The following PLXNB1 variants were observed in gnomAD, a reference collection of about 807,000 sequenced individuals.
PLXNB1 encodes the protein plexin-B1.
PLXNB1 carries 106 observed loss-of-function variants against 209.4 expected under a neutral mutation model. The observed-to-expected ratio is 0.51, with a 90% CI of 0.43 to 0.59. The LOEUF (loss-of-function observed/expected upper bound fraction) is 0.59. Among genes scored for constraint, PLXNB1 ranks in the 20% least tolerant of loss-of-function variants. The probability of loss-of-function intolerance (pLI) is 0.00; values close to 1 mark genes in which losing one functional copy is unlikely to be tolerated. For missense variants in PLXNB1, 2,357 were observed against 2,853.2 expected, an observed-to-expected ratio of 0.83 and a Z score of 3.96; for synonymous variants, 1,167 against 1,183.2, an observed-to-expected ratio of 0.99 and a Z score of 0.28.
intron 3 of PLXNB1, 41 bp downstream of exon 3, chr3:48,423,464 G>A (rs190580009): frequency 6.3e-7 from 1 of 1,588,054 alleles, no homozygotes; most frequent in East Asian, 2.2e-5. Flanking sequence ...TTGGCCAGTG[G>A]CCTCAGAGAG....
In PLXNB1 at chr3:48,416,506, C is replaced by A; in HGVS notation, c.3375-55G>T. On this transcript the variant is annotated intron_variant, in intron 16 of 37. Transcript: ENST00000296440. This position sits in a 1 kb window ranked among gnomAD's most constrained non-coding sequence, Gnocchi z 4.1. ...CAGGCTGCATCAAGGGCCCCTCAAGCTTACCTGGCAGCCCCTCTCCCTGCC... is the reference window on the plus strand; with the variant it reads ...CAGGCTGCATCAAGGGCCCCTCAAGATTACCTGGCAGCCCCTCTCCCTGCC... 8.0e-7 allele frequency: 1 copy of A among 1,249,154 alleles called. No homozygotes were observed. Among genetic ancestry groups the A allele is most frequent in the Non-Finnish European group, 1.1e-6 (1 of 872,428 alleles). The allele number at this position is 1,249,154 out of a possible 1,614,324, so 77.4% of individuals were successfully genotyped here.
rs2037954066 is a variant in PLXNB1 at position 48,414,710 on chromosome 3, A to G, written c.4209+89T>C. 2.7e-6 allele frequency: 4 copies of G among 1,494,260 alleles called. 1 individual carries two copies. The South Asian group carries it at 5.1e-5, about 19-fold the overall frequency. 92.6% of individuals were successfully genotyped at this position (1,494,260 alleles called of 1,614,324 possible). ...ATGTCCATCCACCGGCCCTTGCTCT[A>G]CTGTCTCGGCCTCTCCGCCACACAC... On this transcript the variant is annotated intron_variant, in intron 21 of 37. Coordinates refer to ENST00000296440, the MANE Select transcript of PLXNB1 (RefSeq NM_001130082.3).
At position 48,406,617 on chromosome 3, in the gene PLXNB1, A is replaced by G. The variant is rs1454588539; in HGVS notation, c.6228+206T>C. On this transcript the variant is annotated intron_variant, in intron 36 of 37. Coordinates refer to ENST00000296440, the MANE Select transcript of PLXNB1 (RefSeq NM_001130082.3). The surrounding 1 kb of genome is among the most constrained non-coding windows in gnomAD (Gnocchi z 4.4). Reference sequence around the variant, plus strand: ...GGTACATGGCAGCTGCCAGGACAAGACCCCTGCTTGCTCTGTGATGAGATG... The same window carrying G: ...GGTACATGGCAGCTGCCAGGACAAGGCCCCTGCTTGCTCTGTGATGAGATG... 25 of 1,400,990 alleles carry G rather than the reference A, an allele frequency of 1.8e-5. No individual in the cohort carries two copies. The East Asian group carries it at 6.3e-4, about 35-fold the overall frequency. 86.8% of individuals were successfully genotyped at this position (1,400,990 alleles called of 1,614,324 possible).
intron 21 of PLXNB1, among the ~76,000 whole-genome samples, 183 bp downstream of exon 21, chr3:48,414,616 G>A (rs751090273): frequency 1.3e-5 from 2 of 152,150 alleles, no homozygotes; most frequent in Non-Finnish European, 1.5e-5. Context: ...AGTCCAGCTC[G>A]TGCCAGATGC....
chr3:48,418,391 G>A lies in PLXNB1; in HGVS notation c.3050-28C>T, dbSNP rs1388950612. Reference sequence around the variant, plus strand: ...GGGGGTGGCAGAGACACACGTGAGAGGCAGGCCTGGGAGAGCCCTGCTACC... The same window carrying A: ...GGGGGTGGCAGAGACACACGTGAGAAGCAGGCCTGGGAGAGCCCTGCTACC... On this transcript the variant is annotated intron_variant, in intron 14 of 37. Coordinates refer to ENST00000296440, the MANE Select transcript of PLXNB1 (RefSeq NM_001130082.3). This position sits in a 1 kb window ranked among gnomAD's most constrained non-coding sequence, Gnocchi z 6.6. 4 of 1,613,332 alleles carry A rather than the reference G, an allele frequency of 2.5e-6. No homozygotes were observed. The Admixed American group carries it at 6.7e-5, about 27-fold the overall frequency.
chr3:48,406,175 C>T lies in PLXNB1; in HGVS notation c.6229-377G>A. The T allele has an allele frequency of 4.2e-6, 1 of 239,052 alleles. No individual in the cohort carries two copies. Among genetic ancestry groups the T allele is most frequent in the Non-Finnish European group, 8.4e-6 (1 of 119,686 alleles). 14.8% of individuals were successfully genotyped at this position (239,052 alleles called of 1,614,324 possible). ...CAGATGCCACTTGCAGGCTGACAGC[C>T]CAGCATGATTCTGCTCTGGCCTAAC... On this transcript the variant is annotated intron_variant, in intron 36 of 37. Transcript: ENST00000296440. This position sits in a 1 kb window ranked among gnomAD's most constrained non-coding sequence, Gnocchi z 4.4.
Position 48,418,045 on chromosome 3 carries a change from C to T in PLXNB1, c.3240G>A (p.Gly1080=), listed in dbSNP as rs2106878619. The change falls in exon 16 of 38, where the codon GGG becomes GGA. Residue 1080 remains glycine, a synonymous_variant. Transcript: ENST00000296440. This position sits in a 1 kb window ranked among gnomAD's most constrained non-coding sequence, Gnocchi z 6.6. The part of the protein sequence containing the change: ...PLIHSVEPLT[G]PVDGGTRVTI... ...TGACACGGGTGCCTCCGTCTACAGGCCCAGTCAGTGGCTCCACCTGTTCCA... is the reference window on the plus strand; with the variant it reads ...TGACACGGGTGCCTCCGTCTACAGGTCCAGTCAGTGGCTCCACCTGTTCCA... The T allele has an allele frequency of 4.3e-6, 7 of 1,613,072 alleles. No individual in the cohort carries two copies. Among genetic ancestry groups the T allele is most frequent in the Non-Finnish European group, 5.9e-6 (7 of 1,179,754 alleles).
chr3:48,416,725 A>C lies in PLXNB1; in HGVS notation c.3375-274T>G. 1 of 310,896 alleles carries C rather than the reference A, an allele frequency of 3.2e-6. No homozygotes were observed. Among genetic ancestry groups the C allele is most frequent in the East Asian group, 6.0e-5 (1 of 16,720 alleles). 19.3% of individuals were successfully genotyped at this position (310,896 alleles called of 1,614,324 possible). On this transcript the variant is annotated intron_variant, in intron 16 of 37. Transcript: ENST00000296440. This position sits in a 1 kb window ranked among gnomAD's most constrained non-coding sequence, Gnocchi z 4.1. ...ATTTATCTGTGGCATAAATTTACAA[A>C]GGGGCCCTGTCAGCCTGGTTGTGGG...
At chr3:48,426,384 T>C (rs1417330684) in intron 1 of PLXNB1, among the ~76,000 whole-genome samples, 2 of 152,218 alleles carry the variant, frequency 1.3e-5, no homozygotes, top group African/African-American at 2.4e-5. Flanking sequence ...GGACAGACAA[T>C]GCATCTCAGA....
At position 48,411,103 on chromosome 3, in the gene PLXNB1, G is replaced by A. The variant is rs2037654068; in HGVS notation, c.5248-67C>T. 1.4e-6 allele frequency: 2 copies of A among 1,425,482 alleles called. No individual in the cohort carries two copies. The highest frequency in any genetic ancestry group is 1.4e-5 in the African/African-American group (1 of 70,326). The allele number at this position is 1,425,482 out of a possible 1,614,324, so 88.3% of individuals were successfully genotyped here. On this transcript the variant is annotated intron_variant, in intron 28 of 37. Transcript: ENST00000296440. This position sits in a 1 kb window ranked among gnomAD's most constrained non-coding sequence, Gnocchi z 4.0. ...CAGGATGACCAAGACACAGGCCAAG[G>A]GCAGAGACAACTCATGAGAAACTGC... is the stretch of plus-strand genomic sequence containing the variant.
Position 48,422,349 on chromosome 3 carries a change from A to G in PLXNB1, c.1401T>C (p.Tyr467=). The G allele has an allele frequency of 6.2e-7, 1 of 1,610,734 alleles. No homozygotes were observed. Among genetic ancestry groups the G allele is most frequent in the Admixed American group, 1.7e-5 (1 of 59,492 alleles). Residue 467 remains tyrosine (Y), a synonymous_variant, in exon 5 of 38, where the codon TAT becomes TAC. Coordinates refer to ENST00000296440, the MANE Select transcript of PLXNB1 (RefSeq NM_001130082.3). ...CACTCACTGTGCTCTGGGTCATGACATACAGGTGCTCAAAGGTCCCATCAA... is the reference window on the plus strand; with the variant it reads ...CACTCACTGTGCTCTGGGTCATGACGTACAGGTGCTCAAAGGTCCCATCAA... ...LTFDGTFEHL[Y]VMTQSTLLKV... is the part of the protein sequence containing the mutation.
In PLXNB1 at chr3:48,419,628, G is replaced by A; in HGVS notation, c.2658C>T (p.Ile886=). The change falls in exon 11 of 38, where the codon ATC becomes ATT. Residue 886 remains isoleucine, a synonymous_variant. Transcript: ENST00000296440. This position sits in a 1 kb window ranked among gnomAD's most constrained non-coding sequence, Gnocchi z 5.7. ...ACTGGTAGTCGAGGCTGGACGGGAG[G>A]ATGAGGGGGGCGGGAGGGCCCTCAA... ...AELEGPPAPL[I]LPSSLDYQYD... 6.2e-7 allele frequency: 1 copy of A among 1,612,648 alleles called. No individual in the cohort carries two copies. Among genetic ancestry groups the A allele is most frequent in the African/African-American group, 1.3e-5 (1 of 75,068 alleles).
rs140922979 is a variant in PLXNB1, at chr3:48,416,162, C to T, written c.3486G>A (p.Pro1162=). The change falls in exon 18 of 38, where the codon CCG becomes CCA. Residue 1162 remains proline (P), a synonymous_variant. Transcript: ENST00000296440. The surrounding 1 kb of genome is among the most constrained non-coding windows in gnomAD (Gnocchi z 4.1). ...GGGCCGGGAAGATGGAATGGACCTT[C>T]GGATCCTGTGGGACAGACAGGGAGA... The part of the protein sequence containing the change: ...VSEHDFAYQD[P]KVHSIFPARG... 4.8e-5 allele frequency: 76 copies of T among 1,598,476 alleles called. No homozygotes were observed. The highest frequency in any genetic ancestry group is 3.4e-4 in the East Asian group (15 of 44,128).
chr3:48,418,806 G>A lies in PLXNB1; in HGVS notation c.2955+111C>T, dbSNP rs895681265. 1.9e-5 allele frequency: 26 copies of A among 1,387,822 alleles called. No individual in the cohort carries two copies. Among genetic ancestry groups the A allele is most frequent in the African/African-American group, 2.8e-5 (2 of 70,658 alleles). 86.0% of individuals were successfully genotyped at this position (1,387,822 alleles called of 1,614,324 possible). ...ATGGGTGTGGAGACTCCCTCAGGGC[G>A]ACACGGTCAGAGCGTGGCTCTGGAA... is the stretch of plus-strand genomic sequence containing the variant. On this transcript the variant is annotated intron_variant, in intron 13 of 37. Transcript: ENST00000296440. This position sits in a 1 kb window ranked among gnomAD's most constrained non-coding sequence, Gnocchi z 6.6.
chr3:48,427,582 G>A (rs573656134), intron 1 of PLXNB1, among the ~76,000 whole-genome samples: 1 of 152,124 alleles, frequency 6.6e-6, no homozygotes, highest in African/African-American at 2.4e-5. Context: ...AGAGCGGGAG[G>A]GATAAAGGCC....
Position 48,418,108 on chromosome 3 carries a change from AG to A in PLXNB1, c.3223-47del. The A allele has an allele frequency of 2.5e-6, 4 of 1,607,474 alleles. No individual in the cohort carries two copies. Among genetic ancestry groups the A allele is most frequent in the Non-Finnish European group, 3.4e-6 (4 of 1,175,656 alleles). ...CTCACCTCTACTCAACTGGAAAGGC[AG>A]CCCCAACCTCCCACCTTTGGGCCCC... On this transcript the variant is annotated intron_variant, in intron 15 of 37. Coordinates refer to ENST00000296440, the MANE Select transcript of PLXNB1 (RefSeq NM_001130082.3). The surrounding 1 kb of genome is among the most constrained non-coding windows in gnomAD (Gnocchi z 6.6).
rs919043885 is a variant in PLXNB1, at chr3:48,421,921, A to G, written c.1521-115T>C. ...CAGGGCCCTAGAGTGGGCATGATAG[A>G]GGCTCCTGTGTCTGCCCTGGCAGGG... On this transcript the variant is annotated intron_variant, in intron 6 of 37. Transcript: ENST00000296440. The G allele has an allele frequency of 3.5e-5, 52 of 1,467,144 alleles. No homozygotes were observed. The African/African-American group carries it at 7.0e-4, about 20-fold the overall frequency. The allele number at this position is 1,467,144 out of a possible 1,614,324, so 90.9% of individuals were successfully genotyped here. A position where few individuals can be genotyped will look rare whatever the true frequency, so the allele number is the denominator to read the frequency against.
chr3:48,428,923 G>A (rs1003498744), intron 1 of PLXNB1, among the ~76,000 whole-genome samples: 1 of 149,600 alleles, frequency 6.7e-6, no homozygotes, highest in Non-Finnish European at 1.5e-5. Context: ...CTCCCCACTC[G>A]GCTCGTCCTT....
Position 48,424,091 on chromosome 3 carries a change from C to T in PLXNB1, c.521G>A (p.Ser174Asn), listed in dbSNP as rs1273154276. 1 of 1,562,324 alleles carries T rather than the reference C, an allele frequency of 6.4e-7. No homozygotes were observed. Residue 174 changes from serine to asparagine, a missense_variant, in exon 3 of 38, where the codon AGC (serine) becomes AAC (asparagine). By Grantham distance (46) the Ser-to-Asn change is conservative. Transcript: ENST00000296440. ...TGGAATGCCACCCCCCACACCCCTG[C>T]TGGTGTATCCTCGCCCCACAAACAG... ...PLLFVGRGYT[S>N]RGVGGGIPPI... is the part of the protein sequence containing the mutation.
Sources: gnomAD v4.1 joint callset for allele counts (sites outside exome capture counted in the v4.1 genomes callset) on GRCh38, gnomAD v4.1.1 for gene constraint, Gnocchi (gnomAD v3.1) non-coding constraint, MANE v1.5 for transcripts, NCBI Gene and HGNC (gene_info 2026-07-23, HGNC 2026-07-21) for gene names.